TBC1D4: variants seen among roughly 807,000 people sequenced by gnomAD.
TBC1D4 encodes the protein TBC1 domain family member 4.
A neutral mutation model predicts 142.5 loss-of-function variants in TBC1D4; 121 were observed. The ratio of observed to expected loss-of-function variants is 0.85; its 90% CI spans 0.73 to 0.99. The LOEUF is 0.99. Among genes scored for constraint, TBC1D4 ranks in the 50% least tolerant of loss-of-function variants. The pLI is 0.00. For missense variants in TBC1D4, 1,475 were observed against 1,606.6 expected, an observed-to-expected ratio of 0.92 and a Z score of 1.40; for synonymous variants, 630 against 628.2, an observed-to-expected ratio of 1.00 and a Z score of -0.04.
At chr13:75,304,346 C>G (rs1166758982) in intron 15 of TBC1D4, among the ~76,000 whole-genome samples, 1 of 152,106 alleles carries the variant, frequency 6.6e-6, no homozygotes, top group Non-Finnish European at 1.5e-5. Flanking sequence ...TAAAGCAAGG[C>G]AGTCAGGATG....
At chr13:75,378,049 G>A (rs751353536) in intron 1 of TBC1D4, among the ~76,000 whole-genome samples, 3 of 152,012 alleles carry the variant, frequency 2.0e-5, no homozygotes, top group Non-Finnish European at 4.4e-5. Context: ...TTAAAGAGTA[G>A]TACATTAGTA....
chr13:75,322,711 A>T (rs1878875733), intron 11 of TBC1D4, among the ~76,000 whole-genome samples: 2 of 152,188 alleles, frequency 1.3e-5, no homozygotes, highest in South Asian at 4.1e-4. Flanking sequence ...CAATAAGAAA[A>T]TGCAAATAGG....
chr13:75,342,852 T>A (rs1880823431), intron 5 of TBC1D4, among the ~76,000 whole-genome samples: 1 of 151,756 alleles, frequency 6.6e-6, no homozygotes, highest in South Asian at 2.1e-4. Context: ...TATATAATAT[T>A]TAATAAACCT....
rs769694917 is a variant in TBC1D4, at chr13:75,481,443, C to G, written c.325G>C (p.Ala109Pro). Residue 109 changes from alanine (A) to proline (P), a missense_variant, in exon 1 of 21, where the codon GCC becomes CCC. Ala to Pro is a conservative substitution (Grantham distance 27). Around this residue, in one of 2 missense-constraint regions of TBC1D4, gnomAD observed 1,227 missense variants for 1,267.7 expected, o/e 0.97. Transcript: ENST00000377636. ...AGASGGTSPSATQPNPAVFIF... is the reference protein window; with the variant it reads ...AGASGGTSPSPTQPNPAVFIF... The stretch of plus-strand genomic sequence containing the variant: ...AATACCGCCGGGTTGGGCTGCGTGG[C>G]CGACGGACTAGTGCCCCCCGAGGCC... The G allele has an allele frequency of 6.2e-7, 1 of 1,613,824 alleles. No individual in the cohort carries two copies. Among genetic ancestry groups the G allele is most frequent in the African/African-American group, 1.3e-5 (1 of 75,040 alleles).
In TBC1D4 at chr13:75,337,010, C is replaced by T; in HGVS notation, c.1642G>A (p.Ala548Thr). 1.2e-6 allele frequency: 2 copies of T among 1,613,096 alleles called. No individual in the cohort carries two copies. Among genetic ancestry groups the T allele is most frequent in the Non-Finnish European group, 1.7e-6 (2 of 1,179,466 alleles). ...TISNSTIPEN[A>T]TSSGRFKLDI... ...AGTTTGAACCTTCCACTGCTTGTTG[C>T]ATTTTCTGGGATTGTACTATTTGAA... The change falls in exon 8 of 21, where the codon GCA (alanine) becomes ACA (threonine). Residue 548 changes from alanine (A) to threonine (T), a missense_variant. Physicochemically the swap from Ala to Thr is moderately conservative, Grantham distance 58. This residue lies in a region of TBC1D4 where 1,227 missense variants were observed against 1,267.7 expected (regional missense o/e 0.97). Transcript: ENST00000377636.
intron 1 of TBC1D4, among the ~76,000 whole-genome samples, chr13:75,451,804 C>A (rs1887545099): frequency 1.3e-5 from 2 of 149,838 alleles, no homozygotes; most frequent in East Asian, 1.9e-4. Flanking sequence ...TAAATATATG[C>A]ATGCAATATA....
At chr13:75,418,218 C>G (rs902088467) in intron 1 of TBC1D4, among the ~76,000 whole-genome samples, 2 of 152,120 alleles carry the variant, frequency 1.3e-5, no homozygotes, top group African/African-American at 4.8e-5. Context: ...GCAGGTGTTA[C>G]TAAGCCCCAC....
chr13:75,389,050 G>C (rs1287407790), intron 1 of TBC1D4, among the ~76,000 whole-genome samples: 1 of 152,204 alleles, frequency 6.6e-6, no homozygotes, highest in East Asian at 1.9e-4. Context: ...AATTAAATGA[G>C]AGCAGACACA....
At chr13:75,347,829 A>ATT (rs1881274991) in intron 5 of TBC1D4, among the ~76,000 whole-genome samples, 1 of 152,208 alleles carries the variant, frequency 6.6e-6, no homozygotes, top group Non-Finnish European at 1.5e-5. Flanking sequence ...TAATTGTTTA[A>ATT]GCCTATTACA....
intron 1 of TBC1D4, among the ~76,000 whole-genome samples, chr13:75,400,640 T>TTTG (rs1885044770): frequency 6.6e-6 from 1 of 150,748 alleles, no homozygotes. Flanking sequence ...TGTATTTTTT[T>TTTG]TTTTTTAGTA....
At chr13:75,398,059 G>C (rs185645248) in intron 1 of TBC1D4, among the ~76,000 whole-genome samples, 53 of 152,326 alleles carry the variant, frequency 3.5e-4, no homozygotes, top group Admixed American at 3.3e-4. Context: ...GAGAGAAAGA[G>C]ATGCCTGGCC....
intron 1 of TBC1D4, among the ~76,000 whole-genome samples, chr13:75,387,587 A>G (rs979499021): frequency 1.2e-4 from 18 of 152,218 alleles, no homozygotes; most frequent in African/African-American, 3.6e-4. Flanking sequence ...ACATTCACTA[A>G]TATCACCACC....
chr13:75,295,055 T>C (rs1317998135), intron 17 of TBC1D4, 42 bp from the exon 18 acceptor site: 1 of 1,577,290 alleles, frequency 6.3e-7, no homozygotes, highest in Admixed American at 1.7e-5. Flanking sequence ...TATGCATTTA[T>C]CTGCATGTGC....
In TBC1D4 at chr13:75,362,326, G is replaced by A. The variant is rs757134627; in HGVS notation, c.780C>T (p.Pro260=). Residue 260 remains proline, a synonymous_variant, in exon 2 of 21, where the codon CCC becomes CCT. Transcript: ENST00000377636. The surrounding 1 kb of genome is among the most constrained non-coding windows in gnomAD (Gnocchi z 4.2). ...EDLADLEVVV[P]GSPGDCLPEE... ...CCGGCAGGCAGTCTCCGGGGGACCC[G>A]GGCACCACCACCTCCAAGTCAGCCA... 11 of 1,614,012 alleles carry A rather than the reference G, an allele frequency of 6.8e-6. No individual in the cohort carries two copies. In the East Asian group the frequency reaches 1.6e-4, roughly 23 times the overall value.
chr13:75,309,030 C>G (rs1241451558), intron 14 of TBC1D4, among the ~76,000 whole-genome samples: 1 of 151,906 alleles, frequency 6.6e-6, no homozygotes, highest in Non-Finnish European at 1.5e-5. Context: ...TATGAAAGAC[C>G]ACAAAATAAA....
At chr13:75,460,784 A>C (rs1242644272) in intron 1 of TBC1D4, among the ~76,000 whole-genome samples, 1 of 152,122 alleles carries the variant, frequency 6.6e-6, no homozygotes, top group Non-Finnish European at 1.5e-5. Context: ...ATGGCCAGAC[A>C]TGGTGGCACA....
intron 1 of TBC1D4, among the ~76,000 whole-genome samples, chr13:75,445,692 C>G (rs1479860667): frequency 2.6e-5 from 4 of 152,042 alleles, no homozygotes; most frequent in Non-Finnish European, 5.9e-5. Flanking sequence ...TACAATTTAC[C>G]AACATGTGAC....
At chr13:75,334,804 C>T (rs1880061084) in intron 8 of TBC1D4, among the ~76,000 whole-genome samples, 2 of 151,940 alleles carry the variant, frequency 1.3e-5, no homozygotes, top group South Asian at 4.1e-4. Context: ...CAGGCAGGAA[C>T]AGGTGTTATC....
intron 1 of TBC1D4, among the ~76,000 whole-genome samples, chr13:75,416,388 T>C (rs938581564): frequency 6.6e-6 from 1 of 152,184 alleles, no homozygotes; most frequent in Non-Finnish European, 1.5e-5. Flanking sequence ...TTGGCCTAAT[T>C]TTGCAAACCG....
Sources: allele counts gnomAD v4.1 joint callset (sites outside exome capture counted in the v4.1 genomes callset), GRCh38; gene constraint gnomAD v4.1.1; regional missense constraint gnomAD v4.1.1; non-coding constraint Gnocchi (gnomAD v3.1); transcripts MANE v1.5; gene names NCBI Gene and HGNC (gene_info 2026-07-23, HGNC 2026-07-21).